The following PRKN variants were observed in gnomAD, a reference collection of about 807,000 sequenced individuals.
The protein encoded by PRKN is E3 ubiquitin-protein ligase parkin.
In PRKN, 56 loss-of-function variants were observed where a neutral mutation model predicts 59.5. The observed-to-expected ratio is 0.94, with a 90% CI of 0.76 to 1.18. The LOEUF (loss-of-function observed/expected upper bound fraction) is 1.18. Ranked by LOEUF, PRKN falls within the 50% of genes most tolerant of loss-of-function variation. PRKN has a pLI of 0.00. For synonymous variants in PRKN, 250 were observed against 222.1 expected (o/e 1.13, Z -1.12); for missense variants, 657 against 596.4 (o/e 1.10, Z -1.06).
chr6:162,400,229 AAC>A (rs1352509747), intron 2 of PRKN, among the ~76,000 whole-genome samples: 1 of 151,302 alleles, frequency 6.6e-6, no homozygotes, highest in Non-Finnish European at 1.5e-5. Context: ...AACAAACAAC[AAC>A]AAAAAAAAAA....
chr6:161,512,281 CTAAGGAAATGA>C (rs1778420043), intron 9 of PRKN, among the ~76,000 whole-genome samples: 1 of 97,690 alleles, frequency 1.0e-5, no homozygotes, highest in Non-Finnish European at 2.2e-5. Flanking sequence ...TAAAACAACT[CTAAGGAAATGA>C]CCCCCCCCTG....
At chr6:162,727,333 G>GGGCGAAGGTGAGGGGCGGCGGCGC in intron 1 of PRKN, 1 of 391,838 alleles carries the variant, frequency 2.6e-6, no homozygotes, top group East Asian at 4.8e-5. Flanking sequence ...GGCGGCGGCG[G>GGGCGAAGGTGAGGGGCGGCGGCGC]GGAGAAGGCT....
chr6:161,943,888 T>C (rs73783652), intron 6 of PRKN, among the ~76,000 whole-genome samples: 759 of 64,324 alleles, frequency 0.012, 16 homozygotes, highest in African/African-American at 0.047. Context: ...CCTGAGGGAT[T>C]GGCCTGAGGA....
rs556771302 is a variant in PRKN at position 162,181,179 on chromosome 6, G to A, written c.534+19952C>T. ...AAATGTTGACCCAGTCGGGGGTGAC[G>A]TTCCAGTCCCAGGTCAGTTCCCGAA... On this transcript the variant is annotated intron_variant, in intron 4 of 11. Coordinates refer to ENST00000366898, the MANE Select transcript of PRKN (RefSeq NM_004562.3). Among the ~76,000 whole-genome samples the A allele has an allele frequency of 1.8e-4, 28 of 152,312 alleles. 1 individual carries two copies. The South Asian group carries it at 4.4e-3, about 24-fold the overall frequency.
intron 2 of PRKN, among the ~76,000 whole-genome samples, chr6:162,424,349 G>A (rs544868204): frequency 6.6e-6 from 1 of 152,222 alleles, no homozygotes; most frequent in East Asian, 1.9e-4. Flanking sequence ...ATTTGTCCAG[G>A]CCCTAGAATG....
Position 161,809,343 on chromosome 6 carries a change from G to A in PRKN, c.735-23435C>T, listed in dbSNP as rs188701684. On this transcript the variant is annotated intron_variant, in intron 6 of 11. Transcript: ENST00000366898. ...GTACTTGATCATACGAGAAGGTGAG[G>A]AGGTGGATTCTGGACTTGCATTTAT... Among the ~76,000 whole-genome samples the A allele has an allele frequency of 1.4e-3, 211 of 152,252 alleles. 2 individuals carry two copies. Among genetic ancestry groups the A allele is most frequent in the Admixed American group, 2.3e-3 (35 of 15,280 alleles).
intron 2 of PRKN, among the ~76,000 whole-genome samples, chr6:162,327,678 C>T (rs1245105921): frequency 6.6e-6 from 1 of 151,036 alleles, no homozygotes; most frequent in Non-Finnish European, 1.5e-5. Flanking sequence ...ATGTTAGGTC[C>T]TTGACAATGG....
At chr6:161,491,673 C>A (rs956785330) in intron 9 of PRKN, among the ~76,000 whole-genome samples, 1 of 151,886 alleles carries the variant, frequency 6.6e-6, no homozygotes, top group African/African-American at 2.4e-5. Context: ...CTCTGTCACC[C>A]GGGCTGGAGT....
intron 9 of PRKN, among the ~76,000 whole-genome samples, chr6:161,398,050 C>T (rs994735672): frequency 7.2e-5 from 11 of 152,074 alleles, no homozygotes; most frequent in East Asian, 1.9e-4. Context: ...CAGAGAAAGT[C>T]GAGGCTAGGG....
At chr6:162,098,436 G>A (rs772132937) in intron 4 of PRKN, among the ~76,000 whole-genome samples, 2 of 152,082 alleles carry the variant, frequency 1.3e-5, no homozygotes, top group African/African-American at 4.8e-5. Flanking sequence ...GGTATGTTTC[G>A]CATCCGTTGG....
chr6:162,081,741 A>C (rs1461515331), intron 4 of PRKN, among the ~76,000 whole-genome samples: 1 of 152,100 alleles, frequency 6.6e-6, no homozygotes, highest in Non-Finnish European at 1.5e-5. Context: ...CTGTTCTTTG[A>C]AGCATTAAAG....
intron 2 of PRKN, among the ~76,000 whole-genome samples, chr6:162,352,988 T>G (rs9356008): frequency 0.026 from 3,934 of 152,286 alleles, 72 homozygotes; most frequent in East Asian, 0.11. Context: ...TAAACAGAAA[T>G]AGAACTTTCC....
At chr6:162,245,242 T>C (rs578184167) in intron 3 of PRKN, among the ~76,000 whole-genome samples, 1 of 152,192 alleles carries the variant, frequency 6.6e-6, no homozygotes, top group South Asian at 2.1e-4. Flanking sequence ...CCAGTGGAAA[T>C]ACAAAGAATT....
rs549251963 is a variant in PRKN at position 161,546,354 on chromosome 6, C to T, written c.1083+2500G>A. On this transcript the variant is annotated intron_variant, in intron 9 of 11. Transcript: ENST00000366898. This position sits in a 1 kb window ranked among gnomAD's most constrained non-coding sequence, Gnocchi z 4.4. ...CAGGGTTTGAACTTCACACATTCAA[C>T]GCCACCCTTTTTAAATCACTGTGGA... 2.6e-5 allele frequency among the ~76,000 whole-genome samples: 4 copies of T among 152,202 alleles called. No homozygotes were observed. Among genetic ancestry groups the T allele is most frequent in the Non-Finnish European group, 4.4e-5 (3 of 68,008 alleles).
chr6:162,424,085 T>C (rs1294516553), intron 2 of PRKN, among the ~76,000 whole-genome samples: 4 of 152,012 alleles, frequency 2.6e-5, no homozygotes, highest in Non-Finnish European at 2.9e-5. Context: ...AAAAAAGATA[T>C]ATGTGACCAA....
intron 6 of PRKN, among the ~76,000 whole-genome samples, chr6:161,912,714 G>A (rs1778409776): frequency 6.6e-6 from 1 of 151,998 alleles, no homozygotes; most frequent in South Asian, 2.1e-4. Context: ...TTGGCTGCCA[G>A]CCATCCTCAC....
At chr6:162,716,728 CAT>C (rs1778735056) in intron 1 of PRKN, among the ~76,000 whole-genome samples, 1 of 6,442 alleles carries the variant, frequency 1.6e-4, no homozygotes, top group Non-Finnish European at 3.1e-4. Flanking sequence ...TGGCTAGCTT[CAT>C]CAACTAGTCC....
Position 161,562,494 on chromosome 6 carries a change from G to T in PRKN, c.933+6861C>A, listed in dbSNP as rs775685283. On this transcript the variant is annotated intron_variant, in intron 8 of 11. Transcript: ENST00000366898. This position sits in a 1 kb window ranked among gnomAD's most constrained non-coding sequence, Gnocchi z 4.3. ...TGGCTTCTTCTGAGAATCCCCATGG[G>T]TTTAAAATTTCCTCTACATGCTGGT... 2.0e-5 allele frequency among the ~76,000 whole-genome samples: 3 copies of T among 152,152 alleles called. No homozygotes were observed. Among genetic ancestry groups the T allele is most frequent in the African/African-American group, 7.2e-5 (3 of 41,432 alleles).
At chr6:162,066,532 C>T (rs1319478251) in intron 4 of PRKN, among the ~76,000 whole-genome samples, 2 of 152,136 alleles carry the variant, frequency 1.3e-5, no homozygotes, top group African/African-American at 4.8e-5. Flanking sequence ...AAGGGCTCCA[C>T]CTGCATGAAT....
Sources: allele counts gnomAD v4.1 joint callset (sites outside exome capture counted in the v4.1 genomes callset), GRCh38; gene constraint gnomAD v4.1.1; non-coding constraint Gnocchi (gnomAD v3.1); transcripts MANE v1.5; gene names NCBI Gene and HGNC (gene_info 2026-07-23, HGNC 2026-07-21).